UGT1A4: variants seen among roughly 807,000 people sequenced by gnomAD.
UGT1A4 encodes the protein UDP glucuronosyltransferase family 1 member A4.
In UGT1A4, 32 loss-of-function variants were observed where a neutral mutation model predicts 41.1. The ratio of observed to expected loss-of-function variants is 0.78; its 90% CI spans 0.59 to 1.05. The LOEUF is 1.05. UGT1A4 is among the 50% of genes least tolerant of loss of function. The pLI is 0.00. For synonymous variants in UGT1A4, 283 were observed against 265.1 expected, an observed-to-expected ratio of 1.07 and a Z score of -0.66; for missense variants, 748 against 677.4, an observed-to-expected ratio of 1.10 and a Z score of -1.16.
intron 1 of UGT1A4, among the ~76,000 whole-genome samples, chr2:233,731,455 G>A (rs1469328234): frequency 6.6e-6 from 1 of 152,026 alleles, no homozygotes; most frequent in Non-Finnish European, 1.5e-5. Context: ...CCCACAACAG[G>A]CCCTGGCGTG....
chr2:233,765,063 G>A (rs1333981989), intron 1 of UGT1A4, among the ~76,000 whole-genome samples: 3 of 152,054 alleles, frequency 2.0e-5, no homozygotes, highest in Non-Finnish European at 4.4e-5. Flanking sequence ...CCCTGTCAGA[G>A]GTCTCCTGTG....
Position 233,769,475 on chromosome 2 carries a change from G to T in UGT1A4, c.1307+1036G>T. On this transcript the variant is annotated intron_variant, in intron 4 of 4. Coordinates refer to ENST00000373409, the MANE Select transcript of UGT1A4 (RefSeq NM_007120.3). The surrounding 1 kb of genome is among the most constrained non-coding windows in gnomAD (Gnocchi z 4.4). Reference sequence around the variant, plus strand: ...TGTGCATTCATATGCGTGTGTGTGTGTGTGCGTGTGTTTATGAGAGTGTCC... The same window carrying T: ...TGTGCATTCATATGCGTGTGTGTGTTTGTGCGTGTGTTTATGAGAGTGTCC... 6.2e-7 allele frequency: 1 copy of T among 1,611,166 alleles called. No homozygotes were observed.
intron 1 of UGT1A4, among the ~76,000 whole-genome samples, chr2:233,725,200 A>G (rs1336173793): frequency 5.4e-5 from 5 of 92,552 alleles, no homozygotes; most frequent in South Asian, 4.2e-4. Flanking sequence ...GCAGAGGCAG[A>G]GGCAGAGGCA....
chr2:233,739,043 G>A (rs1411881573), intron 1 of UGT1A4: 2 of 152,288 alleles, frequency 1.3e-5, no homozygotes, highest in African/African-American at 4.8e-5. Flanking sequence ...CCAAGGTAGA[G>A]CTCAGGCCAT....
At chr2:233,729,959 G>T (rs1416622482) in intron 1 of UGT1A4, 2 of 1,614,018 alleles carry the variant, frequency 1.2e-6, no homozygotes, top group South Asian at 2.2e-5. Context: ...TTCATTGGGG[G>T]CATCAACTGT....
chr2:233,760,970 C>T (rs767709240), intron 1 of UGT1A4: 2 of 1,614,170 alleles, frequency 1.2e-6, no homozygotes, highest in South Asian at 1.1e-5. Flanking sequence ...GTGGTTTATT[C>T]CCCGTATGCA....
Position 233,772,689 on chromosome 2 carries a change from A to G in UGT1A4, c.*130A>G. ...CTTTGCATAAATTAATCAGCCCCAG[A>G]GTGCTTTAAAAAATTCTCTTAAATA... On this transcript the variant is annotated 3_prime_UTR_variant, in exon 5 of 5. Transcript: ENST00000373409. 6.7e-7 allele frequency: 1 copy of G among 1,492,458 alleles called. No homozygotes were observed. Among genetic ancestry groups the G allele is most frequent in the Non-Finnish European group, 8.9e-7 (1 of 1,128,008 alleles). The allele number at this position is 1,492,458 out of a possible 1,614,324, so 92.5% of individuals were successfully genotyped here. A position where few individuals can be genotyped will look rare whatever the true frequency, so the allele number is the denominator to read the frequency against.
At chr2:233,765,980 C>T (rs987100848) in intron 1 of UGT1A4, among the ~76,000 whole-genome samples, 1 of 152,096 alleles carries the variant, frequency 6.6e-6, no homozygotes, top group African/African-American at 2.4e-5. Flanking sequence ...ATGTTTACAG[C>T]TCCTGAAGCT....
chr2:233,741,913 G>T (rs539186110), intron 1 of UGT1A4: 3 of 151,962 alleles, frequency 2.0e-5, no homozygotes, highest in African/African-American at 4.9e-5. Flanking sequence ...GATGGAAAAG[G>T]TCTTCATTTG....
intron 1 of UGT1A4, chr2:233,747,860 C>T (rs1402748758): frequency 6.2e-6 from 10 of 1,613,422 alleles, no homozygotes; most frequent in Non-Finnish European, 5.9e-6. Context: ...ACATGCTCTA[C>T]CCTCTGGCCC....
intron 1 of UGT1A4, chr2:233,755,866 T>C (rs1696048647): frequency 6.6e-6 from 1 of 152,244 alleles, no homozygotes; most frequent in Non-Finnish European, 1.5e-5. Context: ...CATGACACAC[T>C]AACAAACCTT....
Position 233,733,786 on chromosome 2 carries a change from C to A in UGT1A4, c.867+14099C>A, listed in dbSNP as rs149311802. Among the ~76,000 whole-genome samples the A allele has an allele frequency of 6.6e-4, 100 of 152,236 alleles. 1 individual carries two copies. The highest frequency in any genetic ancestry group is 1.9e-3 in the African/African-American group (79 of 41,542). On this transcript the variant is annotated intron_variant, in intron 1 of 4. Transcript: ENST00000373409. ...ATTTTCTTTTTTTGTTGTGTCCCTG[C>A]CAACCTTTGGTATCAGGATGATGCT...
chr2:233,724,310 G>C (rs1212736933), intron 1 of UGT1A4, among the ~76,000 whole-genome samples: 1 of 141,058 alleles, frequency 7.1e-6, no homozygotes, highest in African/African-American at 2.6e-5. Context: ...CCTCCCTCCC[G>C]GACGGGGCGG....
chr2:233,759,712 G>A (rs2125976216), intron 1 of UGT1A4, among the ~76,000 whole-genome samples: 1 of 151,632 alleles, frequency 6.6e-6, no homozygotes, highest in African/African-American at 2.4e-5. Flanking sequence ...GCGTGCTCGT[G>A]TGGTGGGCTC....
Position 233,767,067 on chromosome 2 carries a change from C to G in UGT1A4, c.901C>G (p.His301Asp). ...FEAYINASGE[H>D]GIVVFSLGSM... The stretch of plus-strand genomic sequence containing the variant: ...AGCCTACATTAATGCTTCTGGAGAA[C>G]ATGGAATTGTGGTTTTCTCTTTGGG... Residue 301 changes from histidine to aspartate, a missense_variant, in exon 2 of 5, where the codon CAT becomes GAT. Coordinates refer to ENST00000373409, the MANE Select transcript of UGT1A4 (RefSeq NM_007120.3). The G allele has an allele frequency of 6.2e-7, 1 of 1,614,098 alleles. No individual in the cohort carries two copies. Among genetic ancestry groups the G allele is most frequent in the East Asian group, 2.2e-5 (1 of 44,866 alleles).
chr2:233,762,105 C>T (rs879435361), intron 1 of UGT1A4, among the ~76,000 whole-genome samples: 8 of 151,972 alleles, frequency 5.3e-5, no homozygotes, highest in Non-Finnish European at 1.0e-4. Flanking sequence ...GTTGATTGTC[C>T]GCTTCACATC....
intron 1 of UGT1A4, among the ~76,000 whole-genome samples, chr2:233,725,666 T>C (rs1346246922): frequency 6.6e-6 from 1 of 152,182 alleles, no homozygotes; most frequent in Non-Finnish European, 1.5e-5. Context: ...CAATTTGGAA[T>C]AGTCACATTT....
intron 1 of UGT1A4, among the ~76,000 whole-genome samples, chr2:233,720,687 C>A (rs1440399782): frequency 1.3e-5 from 2 of 151,626 alleles, no homozygotes; most frequent in Non-Finnish European, 2.9e-5. Flanking sequence ...GTTTCTAAAT[C>A]CATTAAGGGA....
intron 1 of UGT1A4, among the ~76,000 whole-genome samples, chr2:233,746,863 G>A (rs1360451687): frequency 6.6e-6 from 1 of 151,770 alleles, no homozygotes; most frequent in Non-Finnish European, 1.5e-5. Flanking sequence ...GCTGCAGCCT[G>A]ATAAACGTGG....
Sources: gnomAD v4.1 joint callset for allele counts (sites outside exome capture counted in the v4.1 genomes callset) on GRCh38, gnomAD v4.1.1 for gene constraint, Gnocchi (gnomAD v3.1) non-coding constraint, MANE v1.5 for transcripts, NCBI Gene and HGNC (gene_info 2026-07-23, HGNC 2026-07-21) for gene names.